Variants in INSL6 observed in about 807,000 individuals in gnomAD.
The protein encoded by INSL6 is insulin like 6.
In INSL6, 16 loss-of-function variants were observed where a neutral mutation model predicts 9.4. The observed-to-expected ratio is 1.70, with a 90% CI of 1.15 to 2.59. INSL6 has a LOEUF of 2.59. Ranked by LOEUF, INSL6 falls within the 30% of genes most tolerant of loss-of-function variation. INSL6 has a pLI of 0.00. For synonymous variants in INSL6, 154 were observed against 96.9 expected (o/e 1.59, Z -3.46); for missense variants, 391 against 257.3 (o/e 1.52, Z -3.56).
chr9:5,076,189 A>C, the INSL6 span, among the ~76,000 whole-genome samples: 1 of 152,212 alleles, frequency 6.6e-6, no homozygotes, highest in Non-Finnish European at 1.5e-5. Context: ...GAACATTGTG[A>C]AATGACAACA....
At chr9:5,042,124 CTTTTT>C in the INSL6 span, among the ~76,000 whole-genome samples, 9,353 of 107,256 alleles carry the variant, frequency 0.087, 608 homozygotes, top group African/African-American at 0.29. Context: ...GCCAAAATTT[CTTTTT>C]TTTTTTTTTT....
the INSL6 span, among the ~76,000 whole-genome samples, chr9:5,031,631 G>A: frequency 6.6e-6 from 1 of 152,320 alleles, no homozygotes; most frequent in South Asian, 2.1e-4. Context: ...ATAAAAGTCT[G>A]AATTGGAACT....
At chr9:5,139,319 A>C (rs1049767720) in intron 2 of INSL6, among the ~76,000 whole-genome samples, 5 of 152,160 alleles carry the variant, frequency 3.3e-5, no homozygotes, top group Non-Finnish European at 7.4e-5. Context: ...GGATTACTAC[A>C]TCCTATCCAT....
At chr9:5,146,211 A>G (rs1824599764) in intron 2 of INSL6, among the ~76,000 whole-genome samples, 1 of 151,990 alleles carries the variant, frequency 6.6e-6, no homozygotes, top group South Asian at 2.1e-4. Context: ...TGAAGATTTT[A>G]GGGGGCCAGT....
At chr9:5,040,229 C>T in the INSL6 span, among the ~76,000 whole-genome samples, 12 of 151,584 alleles carry the variant, frequency 7.9e-5, no homozygotes, top group South Asian at 2.1e-4. Flanking sequence ...ACTAACAGTG[C>T]GGGGACAACT....
chr9:5,005,615 G>A, the INSL6 span, among the ~76,000 whole-genome samples: 1 of 152,132 alleles, frequency 6.6e-6, no homozygotes, highest in Non-Finnish European at 1.5e-5. Flanking sequence ...AGATTCCAGT[G>A]TAATTTTTTT....
downstream of INSL6, among the ~76,000 whole-genome samples, chr9:5,160,339 C>T (rs1302034327): frequency 6.6e-6 from 1 of 152,054 alleles, no homozygotes; most frequent in Non-Finnish European, 1.5e-5. Context: ...ACAACATGCT[C>T]CTGAATGACC....
chr9:5,054,826 A>G, the INSL6 span: 2 of 1,612,492 alleles, frequency 1.2e-6, no homozygotes, highest in Non-Finnish European at 1.7e-6. The surrounding 1 kb of genome is among the most constrained non-coding windows in gnomAD (Gnocchi z 4.9). Context: ...ATAACTGGAA[A>G]CGGTGGAATT....
the INSL6 span, chr9:5,089,642 G>T: frequency 8.6e-7 from 1 of 1,163,812 alleles, no homozygotes; most frequent in South Asian, 3.3e-5. Context: ...TGAAAACTTG[G>T]TATTTCCATC....
chr9:4,995,591 T>C, the INSL6 span, among the ~76,000 whole-genome samples: 16 of 152,232 alleles, frequency 1.1e-4, no homozygotes, highest in Admixed American at 1.0e-3. Context: ...CTTTGTTTCA[T>C]TCTAAAAATG....
At chr9:5,089,638 C>A in the INSL6 span, 4 of 1,001,818 alleles carry the variant, frequency 4.0e-6, no homozygotes, top group Non-Finnish European at 2.6e-6. Flanking sequence ...GCCTTGAAAA[C>A]TTGGTATTTC....
the INSL6 span, among the ~76,000 whole-genome samples, chr9:5,118,434 G>A: frequency 6.6e-6 from 1 of 152,146 alleles, no homozygotes; most frequent in Admixed American, 6.5e-5. Context: ...CAACAAACTT[G>A]TAACTATTCA....
chr9:5,077,183 T>C, the INSL6 span, among the ~76,000 whole-genome samples: 1 of 150,798 alleles, frequency 6.6e-6, no homozygotes, highest in Non-Finnish European at 1.5e-5. Flanking sequence ...AGTACTAATA[T>C]ATAAAGGTGT....
the INSL6 span, chr9:5,090,858 A>G: frequency 6.2e-7 from 1 of 1,613,186 alleles, no homozygotes; most frequent in Non-Finnish European, 8.5e-7. Flanking sequence ...AAGTCTTGCC[A>G]CAAGACAAAG....
At chr9:5,002,728 T>C in the INSL6 span, among the ~76,000 whole-genome samples, 2 of 151,966 alleles carry the variant, frequency 1.3e-5, no homozygotes, top group Non-Finnish European at 2.9e-5. Flanking sequence ...TATTGAAATT[T>C]TTAGTGTAAT....
At chr9:5,086,220 C>T in the INSL6 span, 1,357 of 600,568 alleles carry the variant, frequency 2.3e-3, 24 homozygotes, top group African/African-American at 0.025. Context: ...CGCGAGGCCA[C>T]GGTCGGAGTC....
chr9:5,130,732 T>A (rs965208473), intron 3 of INSL6, among the ~76,000 whole-genome samples: 62 of 150,668 alleles, frequency 4.1e-4, no homozygotes, highest in African/African-American at 1.2e-3. Context: ...TTTTATTTTT[T>A]TTTTTATTTT....
At chr9:5,042,207 G>A in the INSL6 span, among the ~76,000 whole-genome samples, 18 of 143,426 alleles carry the variant, frequency 1.3e-4, no homozygotes, top group African/African-American at 4.2e-4. Context: ...GCGCAATCTC[G>A]GCTCACTGCA....
intron 3 of INSL6, chr9:5,127,759 A>T: frequency 4.3e-6 from 1 of 232,660 alleles, no homozygotes; most frequent in Non-Finnish European, 8.5e-6. Context: ...TTTTTTAAAA[A>T]TGGATAGCTC....
Sources: allele counts gnomAD v4.1 joint callset (sites outside exome capture counted in the v4.1 genomes callset), GRCh38; gene constraint gnomAD v4.1.1; non-coding constraint Gnocchi (gnomAD v3.1); transcripts MANE v1.5; gene names NCBI Gene and HGNC (gene_info 2026-07-23, HGNC 2026-07-21).